The following GASK1B variants were observed in gnomAD, a reference collection of about 807,000 sequenced individuals.
GASK1B encodes Golgi-associated kinase 1B.
In GASK1B, 34 loss-of-function variants were observed where a neutral mutation model predicts 42.8. The observed-to-expected ratio is 0.79, with a 90% CI of 0.60 to 1.06. The LOEUF is 1.06. GASK1B is among the 50% of genes least tolerant of loss of function. The probability of loss-of-function intolerance (pLI) is 0.00; values close to 1 mark genes in which losing one functional copy is unlikely to be tolerated. For missense variants in GASK1B, 686 were observed against 661.0 expected (o/e 1.04, Z -0.42); for synonymous variants, 262 against 259.1 (o/e 1.01, Z -0.11).
Position 158,126,529 on chromosome 4 carries a change from T to C in GASK1B, c.*878A>G, listed in dbSNP as rs147814037. ...ACAAATTTTAAGGAATTCACTATTA[T>C]TAATAAAATATACATAAATTATATT... On this transcript the variant is annotated 3_prime_UTR_variant, in exon 5 of 5. Coordinates refer to ENST00000585682, the MANE Select transcript of GASK1B (RefSeq NM_001128424.2). 1.0e-3 allele frequency: 159 copies of C among 152,214 alleles called. No individual in the cohort carries two copies. The highest frequency in any genetic ancestry group is 3.5e-3 in the African/African-American group (145 of 41,566). The allele number at this position is 152,214 out of a possible 1,614,324, so 9.4% of individuals were successfully genotyped here.
chr4:158,131,193 T>G (rs1175805009), intron 3 of GASK1B, among the ~76,000 whole-genome samples, 181 bp from the exon 4 acceptor site: 1 of 152,188 alleles, frequency 6.6e-6, no homozygotes, highest in Non-Finnish European at 1.5e-5. Flanking sequence ...TCTGACTCAG[T>G]CATAGTTATA....
Position 158,140,489 on chromosome 4 carries a change from C to CGTAT in GASK1B, c.1126-9478_1126-9477insATAC, listed in dbSNP as rs1163719540. Among the ~76,000 whole-genome samples the CGTAT allele has an allele frequency of 1.1e-4, 17 of 152,292 alleles. No individual in the cohort carries two copies. In the East Asian group the frequency reaches 3.3e-3, roughly 29 times the overall value. ...AAAAAATACATACAAAAACCATATA[C>CGTAT]ATTGAGCCCAATGAGTATCTGCCTG... On this transcript the variant is annotated intron_variant, in intron 3 of 4. Transcript: ENST00000585682.
chr4:158,137,922 G>A (rs750911753), intron 3 of GASK1B, among the ~76,000 whole-genome samples: 1 of 152,148 alleles, frequency 6.6e-6, no homozygotes, highest in Non-Finnish European at 1.5e-5. Context: ...ATGGGCATAG[G>A]CTTCCTTGTG....
intron 3 of GASK1B, among the ~76,000 whole-genome samples, chr4:158,139,436 A>C (rs935093422): frequency 2.0e-5 from 3 of 152,208 alleles, no homozygotes; most frequent in Non-Finnish European, 2.9e-5. Flanking sequence ...GCAATCTCAA[A>C]ATCTTAAAAT....
intron 1 of GASK1B, 96 bp downstream of exon 1, chr4:158,172,771 AG>A (rs1305494574): frequency 9.2e-5 from 14 of 152,122 alleles, no homozygotes; most frequent in Admixed American, 2.0e-4. Flanking sequence ...GCCGCAGCCA[AG>A]CAAGTAACTT....
chr4:158,158,857 A>T (rs913434533), intron 2 of GASK1B, among the ~76,000 whole-genome samples: 2 of 152,130 alleles, frequency 1.3e-5, no homozygotes, highest in Non-Finnish European at 2.9e-5. Context: ...TTTGTCAATC[A>T]TTTAAAATTA....
intron 3 of GASK1B, among the ~76,000 whole-genome samples, chr4:158,136,865 A>T (rs181755740): frequency 9.5e-4 from 144 of 152,354 alleles, no homozygotes; most frequent in Middle Eastern, 3.4e-3. Context: ...CATTCACCAT[A>T]GTATTTCACC....
chr4:158,125,644 A>C lies in GASK1B; in HGVS notation c.*1763T>G, dbSNP rs778963062. ...TGGAGACTCAAAAGAGCCAAGGAGT[A>C]CTATAAATCTGTAGAAGCAGAGGGA... On this transcript the variant is annotated 3_prime_UTR_variant, in exon 5 of 5. Transcript: ENST00000585682. 1.3e-5 allele frequency: 2 copies of C among 152,138 alleles called. No individual in the cohort carries two copies. The highest frequency in any genetic ancestry group is 6.6e-5 in the Admixed American group (1 of 15,256). The allele number at this position is 152,138 out of a possible 1,614,324, so 9.4% of individuals were successfully genotyped here.
intron 3 of GASK1B, among the ~76,000 whole-genome samples, chr4:158,149,475 G>A (rs1731459316): frequency 6.6e-6 from 1 of 152,194 alleles, no homozygotes; most frequent in South Asian, 2.1e-4. Flanking sequence ...TGTCACTAGA[G>A]AACATAAGGG....
chr4:158,172,168 CTCTT>C (rs933249522), intron 1 of GASK1B: 2 of 152,036 alleles, frequency 1.3e-5, no homozygotes, highest in Non-Finnish European at 2.9e-5. Flanking sequence ...CTCTCTCTCT[CTCTT>C]TCTCTCTCTC....
rs754768765 is a variant in GASK1B, at chr4:158,130,971, AG to A, written c.1166del (p.Pro389LeufsTer12). ...RLDTNCCGFR[P>X]RKEDACVQNG... Reference sequence around the variant, plus strand: ...TCTGTACACAGGCATCTTCCTTGCGAGGTCTGAATCCACAGCAATTTGTATC... The same window carrying A: ...TCTGTACACAGGCATCTTCCTTGCGAGTCTGAATCCACAGCAATTTGTATC... On this transcript the variant is annotated frameshift_variant, in exon 4 of 5. Transcript: ENST00000585682. LOFTEE classifies it high-confidence loss of function. 1.2e-6 allele frequency: 2 copies of A among 1,613,950 alleles called. No homozygotes were observed. The highest frequency in any genetic ancestry group is 1.7e-6 in the Non-Finnish European group (2 of 1,179,964).
At chr4:158,162,271 A>T (rs1732048626) in intron 2 of GASK1B, among the ~76,000 whole-genome samples, 2 of 152,070 alleles carry the variant, frequency 1.3e-5, no homozygotes, top group South Asian at 4.1e-4. Context: ...TTTATCACAC[A>T]TTTTTTGTAA....
Position 158,171,394 on chromosome 4 carries a change from T to C in GASK1B, c.-19A>G, listed in dbSNP as rs977798154. 2.6e-6 allele frequency: 4 copies of C among 1,536,904 alleles called. No individual in the cohort carries two copies. The African/African-American group carries it at 5.5e-5, about 21-fold the overall frequency. On this transcript the variant is annotated 5_prime_UTR_variant, in exon 2 of 5. An upstream start codon of the reference 5' UTR is lost. Coordinates refer to ENST00000585682, the MANE Select transcript of GASK1B (RefSeq NM_001128424.2). ...AGGTCATTTCTCTGCCGCATCCACATGTTGAACGGAGTTTAAAGTCTGCAG... is the reference window on the plus strand; with the variant it reads ...AGGTCATTTCTCTGCCGCATCCACACGTTGAACGGAGTTTAAAGTCTGCAG...
intron 2 of GASK1B, among the ~76,000 whole-genome samples, chr4:158,157,722 A>G (rs1008148879): frequency 7.2e-5 from 11 of 152,088 alleles, no homozygotes; most frequent in African/African-American, 2.7e-4. Flanking sequence ...CGCGGGTCAG[A>G]AGGACAGCAG....
chr4:158,144,902 A>T (rs1401433128), intron 3 of GASK1B, among the ~76,000 whole-genome samples: 1 of 152,200 alleles, frequency 6.6e-6, no homozygotes, highest in Non-Finnish European at 1.5e-5. Context: ...CAAAGCAATA[A>T]AACCAACCCA....
At chr4:158,149,676 C>A (rs1451225167) in intron 3 of GASK1B, among the ~76,000 whole-genome samples, 3 of 152,180 alleles carry the variant, frequency 2.0e-5, no homozygotes, top group South Asian at 2.1e-4. Context: ...ACCTACTTCA[C>A]TCTAGGTACT....
Position 158,171,370 on chromosome 4 carries a change from G to C in GASK1B, c.6C>G (p.Thr2=), listed in dbSNP as rs1300671815. 1 of 1,563,414 alleles carries C rather than the reference G, an allele frequency of 6.4e-7. No homozygotes were observed. Among genetic ancestry groups the C allele is most frequent in the Non-Finnish European group, 8.7e-7 (1 of 1,151,386 alleles). The part of the protein sequence containing the change: M[T]CPDKPGQLIN... The stretch of plus-strand genomic sequence containing the variant: ...TGAGCTGCCCCGGCTTGTCTGGACA[G>C]GTCATTTCTCTGCCGCATCCACATG... The change falls in exon 2 of 5, where the codon ACC becomes ACG. Residue 2 remains threonine (T), a synonymous_variant. Coordinates refer to ENST00000585682, the MANE Select transcript of GASK1B (RefSeq NM_001128424.2).
At chr4:158,157,634 C>G (rs1731806644) in intron 2 of GASK1B, among the ~76,000 whole-genome samples, 1 of 152,054 alleles carries the variant, frequency 6.6e-6, no homozygotes, top group Admixed American at 6.6e-5. Flanking sequence ...TGCACACAAA[C>G]AGCACTTTGC....
chr4:158,160,132 C>CAACTCT (rs1731915648), intron 2 of GASK1B, among the ~76,000 whole-genome samples: 2 of 152,112 alleles, frequency 1.3e-5, no homozygotes, highest in Admixed American at 1.3e-4. Flanking sequence ...CTCTATAATA[C>CAACTCT]CCATTGAAGA....
Sources: allele counts gnomAD v4.1 joint callset (sites outside exome capture counted in the v4.1 genomes callset), GRCh38; gene constraint gnomAD v4.1.1; transcripts MANE v1.5; gene names NCBI Gene and HGNC (gene_info 2026-07-23, HGNC 2026-07-21).